Variants in SP110 observed in about 807,000 individuals in gnomAD.
SP110 encodes the protein interferon-induced protein 41, 30kD.
In SP110, 62 loss-of-function variants were observed where a neutral mutation model predicts 92.7. The observed-to-expected ratio is 0.67, with a 90% CI of 0.55 to 0.83. SP110 has a LOEUF of 0.83. Among genes scored for constraint, SP110 ranks in the 40% least tolerant of loss-of-function variants. The pLI, the probability that SP110 is intolerant of heterozygous loss-of-function variation, is 0.00. For missense variants in SP110, 793 were observed against 863.9 expected (o/e 0.92, Z 1.03); for synonymous variants, 273 against 305.3 (o/e 0.89, Z 1.10).
chr2:230,224,525 G>C (rs964914889), upstream of SP110, among the ~76,000 whole-genome samples: 1 of 151,616 alleles, frequency 6.6e-6, no homozygotes, highest in African/African-American at 2.4e-5. Context: ...CAGAGAGAGA[G>C]AGAGAGAGGA....
rs201053153 is a variant in SP110 at position 230,214,995 on chromosome 2, G to T, written c.271C>A (p.Arg91Ser). 3.5e-5 allele frequency: 56 copies of T among 1,613,832 alleles called. No individual in the cohort carries two copies. Among genetic ancestry groups the T allele is most frequent in the South Asian group, 2.9e-4 (26 of 91,076 alleles). Reference sequence around the variant, plus strand: ...ATCGTCACCAGATTGGGATATTCACGCAGGTTAATTTGACTGAACAATGTC... The same window carrying T: ...ATCGTCACCAGATTGGGATATTCACTCAGGTTAATTTGACTGAACAATGTC... ...LVTLFSQINL[R>S]EYPNLVTIYR... Residue 91 changes from arginine (R) to serine (S), a missense_variant, in exon 3 of 19, where the codon CGT becomes AGT. Coordinates refer to ENST00000258381, the MANE Select transcript of SP110 (RefSeq NM_080424.4).
At chr2:230,208,179 C>G (rs2148897560) in intron 7 of SP110, 120 bp from the exon 8 acceptor site, 1 of 667,338 alleles carries the variant, frequency 1.5e-6, no homozygotes. Context: ...CATTGGTGAC[C>G]TTAGGTGATG....
At chr2:230,171,922 G>A (rs1025350783) in intron 16 of SP110, 144 bp downstream of exon 16, 2 of 846,720 alleles carry the variant, frequency 2.4e-6, no homozygotes, top group Admixed American at 1.8e-5. Context: ...ATTTTGTTTA[G>A]ACTCTGAGTT....
At chr2:230,209,704 G>A (rs967186651) in intron 7 of SP110, among the ~76,000 whole-genome samples, 1 of 152,132 alleles carries the variant, frequency 6.6e-6, no homozygotes, top group Non-Finnish European at 1.5e-5. Flanking sequence ...TTCAGAACAG[G>A]CAATTCCAAT....
intron 3 of SP110, among the ~76,000 whole-genome samples, chr2:230,213,361 T>C (rs1306724025): frequency 6.6e-6 from 1 of 152,190 alleles, no homozygotes; most frequent in Non-Finnish European, 1.5e-5. Flanking sequence ...ATAATGAACA[T>C]GCTATAGTTT....
Position 230,212,975 on chromosome 2 carries a change from G to A in SP110, c.369C>T (p.Ala123=). ...AGCTTCCTTCTGCTAGGCCAGTTGG[G>A]GCTTCAAGTAGGATTGGTGTGTCTC... The part of the protein sequence containing the change: ...QSRDTPILLE[A]PTGLAEGSSL... The change falls in exon 4 of 19, where the codon GCC becomes GCT. Residue 123 remains alanine (A), a synonymous_variant. Coordinates refer to ENST00000258381, the MANE Select transcript of SP110 (RefSeq NM_080424.4). 1 of 1,614,036 alleles carries A rather than the reference G, an allele frequency of 6.2e-7. No homozygotes were observed. Among genetic ancestry groups the A allele is most frequent in the Non-Finnish European group, 8.5e-7 (1 of 1,179,962 alleles).
chr2:230,192,356 C>A (rs1168461218), intron 10 of SP110, among the ~76,000 whole-genome samples: 3 of 152,132 alleles, frequency 2.0e-5, no homozygotes, highest in Admixed American at 1.3e-4. Flanking sequence ...TTTCTGTTTG[C>A]AGATGACATG....
intron 2 of SP110, among the ~76,000 whole-genome samples, chr2:230,215,486 G>A (rs2045036995): frequency 6.6e-6 from 1 of 152,172 alleles, no homozygotes; most frequent in South Asian, 2.1e-4. Flanking sequence ...CTTCAGCAAT[G>A]GTTCTAGTGA....
intron 14 of SP110, chr2:230,173,601 G>C (rs574289029): frequency 6.5e-6 from 1 of 153,752 alleles, no homozygotes; most frequent in East Asian, 1.9e-4. Context: ...TTCAAGGATT[G>C]AAACTCATTA....
intron 2 of SP110, 149 bp downstream of exon 2, chr2:230,216,632 C>T: frequency 1.1e-6 from 1 of 929,010 alleles, no homozygotes; most frequent in Non-Finnish European, 1.7e-6. Flanking sequence ...CACCCTCTCT[C>T]CTAACTACCC....
At chr2:230,218,487 G>A (rs942539863) in intron 1 of SP110, among the ~76,000 whole-genome samples, 1 of 152,190 alleles carries the variant, frequency 6.6e-6, no homozygotes, top group African/African-American at 2.4e-5. Flanking sequence ...AGGGGAAGGA[G>A]ATAGTGCAAA....
chr2:230,182,481 G>A (rs1355119420), intron 12 of SP110, among the ~76,000 whole-genome samples: 1 of 152,064 alleles, frequency 6.6e-6, no homozygotes, highest in Non-Finnish European at 1.5e-5. Context: ...TAAAAAAGGT[G>A]AGGTCTGAGG....
At chr2:230,182,323 G>A (rs947775749) in intron 12 of SP110, among the ~76,000 whole-genome samples, 6 of 152,196 alleles carry the variant, frequency 3.9e-5, no homozygotes, top group Admixed American at 1.3e-4. Flanking sequence ...GCAGGAGGGA[G>A]AGCACCAGGA....
intron 10 of SP110, among the ~76,000 whole-genome samples, chr2:230,189,520 A>G (rs1156679953): frequency 6.6e-6 from 1 of 152,136 alleles, no homozygotes; most frequent in African/African-American, 2.4e-5. Context: ...GTTGATTTCT[A>G]GTTTTATTCC....
intron 8 of SP110, among the ~76,000 whole-genome samples, chr2:230,206,089 C>A (rs2043767742): frequency 6.6e-6 from 1 of 152,082 alleles, no homozygotes; most frequent in Admixed American, 6.5e-5. Flanking sequence ...AAAAGGACAC[C>A]AGCCCTGTGA....
chr2:230,184,592 C>T (rs2042270829), intron 11 of SP110, among the ~76,000 whole-genome samples: 2 of 152,164 alleles, frequency 1.3e-5, no homozygotes, highest in South Asian at 4.1e-4. Context: ...ATTTGTCTAT[C>T]TAACTAAGCA....
At chr2:230,201,275 G>T (rs1317418869) in intron 9 of SP110, among the ~76,000 whole-genome samples, 5 of 152,314 alleles carry the variant, frequency 3.3e-5, no homozygotes, top group African/African-American at 4.8e-5. Context: ...CCCCTAGGGG[G>T]TCTGTCAAAC....
At chr2:230,202,551 A>G in intron 9 of SP110, 28 bp downstream of exon 9, 1 of 1,612,238 alleles carries the variant, frequency 6.2e-7, no homozygotes, top group Admixed American at 1.7e-5. Context: ...TGAGCCATTC[A>G]AATGGCAGAT....
upstream of SP110, among the ~76,000 whole-genome samples, chr2:230,222,705 A>T (rs972397206): frequency 6.6e-6 from 1 of 152,050 alleles, no homozygotes; most frequent in Non-Finnish European, 1.5e-5. Flanking sequence ...CAAAAAAAAA[A>T]AAAAAGATAC....
Sources: gnomAD v4.1 joint callset for allele counts (sites outside exome capture counted in the v4.1 genomes callset) on GRCh38, gnomAD v4.1.1 for gene constraint, MANE v1.5 for transcripts, NCBI Gene and HGNC (gene_info 2026-07-23, HGNC 2026-07-21) for gene names.